Variants in FOXA3 observed in about 807,000 individuals in gnomAD.
The protein encoded by FOXA3 is hepatocyte nuclear factor 3-gamma.
In FOXA3, 11 loss-of-function variants were observed where a neutral mutation model predicts 16.9. That is an observed-to-expected ratio of 0.65 (90% CI 0.41 to 1.08). The LOEUF (loss-of-function observed/expected upper bound fraction) is 1.08, where lower values mean the gene tolerates loss of function less well. Among genes scored for constraint, FOXA3 ranks in the 50% least tolerant of loss-of-function variants. The pLI is 0.00. For missense variants in FOXA3, 423 were observed against 470.1 expected (o/e 0.90, Z 0.93); for synonymous variants, 217 against 203.3 (o/e 1.07, Z -0.57).
chr19:45,872,568 G>T lies in FOXA3; in HGVS notation c.563G>T (p.Gly188Val). 6.2e-7 allele frequency: 1 copy of T among 1,614,152 alleles called. No individual in the cohort carries two copies. Among genetic ancestry groups the T allele is most frequent in the Non-Finnish European group, 8.5e-7 (1 of 1,180,018 alleles). Residue 188 changes from glycine to valine, a missense_variant, in exon 2 of 2, where the codon GGC (glycine) becomes GTC (valine). By Grantham distance (109) the Gly-to-Val change is moderately radical. Around this residue, in one of 3 missense-constraint regions of FOXA3, gnomAD observed 85 missense variants for 136.9 expected, o/e 0.62. Transcript: ENST00000302177. This position sits in a 1 kb window ranked among gnomAD's most constrained non-coding sequence, Gnocchi z 4.5. ...CGTTCCCCAGACAAGCCTGGCAAGG[G>T]CTCCTACTGGGCCCTACACCCCAGC... ...VARSPDKPGK[G>V]SYWALHPSSG...
chr19:45,873,132 TG>T lies in FOXA3; in HGVS notation c.*75del, dbSNP rs1966927517. The T allele has an allele frequency of 1.3e-6, 2 of 1,548,964 alleles. No homozygotes were observed. Among genetic ancestry groups the T allele is most frequent in the Non-Finnish European group, 1.7e-6 (2 of 1,145,930 alleles). On this transcript the variant is annotated 3_prime_UTR_variant, in exon 2 of 2. Transcript: ENST00000302177. ...AGCTCTTGGGGCCTGATCCTTCTGG[TG>T]ACACTTCACTTGTCCCATTGGTTAA...
Position 45,872,727 on chromosome 19 carries a change from C to T in FOXA3, c.722C>T (p.Thr241Ile), listed in dbSNP as rs769846056. 7 of 1,602,078 alleles carry T rather than the reference C, an allele frequency of 4.4e-6. No individual in the cohort carries two copies. Among genetic ancestry groups the T allele is most frequent in the Non-Finnish European group, 5.1e-6 (6 of 1,174,886 alleles). ...RNGTGSAAST[T>I]TPAATVTSPP... is the part of the protein sequence containing the mutation. ...GGGACAGGGTCTGCTGCCTCGACCA[C>T]CACCCCCGCGGCCACAGTCACCTCC... Residue 241 changes from threonine to isoleucine, a missense_variant, in exon 2 of 2, where the codon ACC (threonine) becomes ATC (isoleucine). Coordinates refer to ENST00000302177, the MANE Select transcript of FOXA3 (RefSeq NM_004497.3). This position sits in a 1 kb window ranked among gnomAD's most constrained non-coding sequence, Gnocchi z 4.5.
In FOXA3 at chr19:45,872,575, C is replaced by T. The variant is rs1450610616; in HGVS notation, c.570C>T (p.Tyr190=). 6.2e-7 allele frequency: 1 copy of T among 1,614,236 alleles called. No individual in the cohort carries two copies. Among genetic ancestry groups the T allele is most frequent in the Non-Finnish European group, 8.5e-7 (1 of 1,180,026 alleles). Residue 190 remains tyrosine (Y), a synonymous_variant, in exon 2 of 2, where the codon TAC becomes TAT. Coordinates refer to ENST00000302177, the MANE Select transcript of FOXA3 (RefSeq NM_004497.3). This position sits in a 1 kb window ranked among gnomAD's most constrained non-coding sequence, Gnocchi z 4.5. ...RSPDKPGKGS[Y]WALHPSSGNM... ...CAGACAAGCCTGGCAAGGGCTCCTACTGGGCCCTACACCCCAGCTCAGGGA... is the reference window on the plus strand; with the variant it reads ...CAGACAAGCCTGGCAAGGGCTCCTATTGGGCCCTACACCCCAGCTCAGGGA...
chr19:45,870,028 C>T (rs1272344405), intron 1 of FOXA3, among the ~76,000 whole-genome samples: 3 of 152,076 alleles, frequency 2.0e-5, no homozygotes, highest in Non-Finnish European at 4.4e-5. Flanking sequence ...TCAAGTGATC[C>T]ACCTGCCTCG....
intron 1 of FOXA3, among the ~76,000 whole-genome samples, chr19:45,865,562 C>T (rs1972076997): frequency 6.6e-6 from 1 of 152,054 alleles, no homozygotes; most frequent in African/African-American, 2.4e-5. Context: ...GACTTCTAAC[C>T]TGGAAGGGGA....
chr19:45,871,943 T>G (rs891423347), intron 1 of FOXA3, 132 bp from the exon 2 acceptor site: 12 of 890,628 alleles, frequency 1.3e-5, no homozygotes, highest in African/African-American at 1.7e-5. Context: ...TTTCTACAGA[T>G]AGAGGTAATG....
At chr19:45,867,015 G>A (rs936034924) in intron 1 of FOXA3, among the ~76,000 whole-genome samples, 13 of 152,166 alleles carry the variant, frequency 8.5e-5, no homozygotes, top group East Asian at 3.8e-4. Context: ...GGGGAGATCC[G>A]GCTCAGACCC....
intron 1 of FOXA3, among the ~76,000 whole-genome samples, chr19:45,869,566 T>C (rs906597173): frequency 6.6e-6 from 1 of 152,182 alleles, no homozygotes; most frequent in African/African-American, 2.4e-5. Flanking sequence ...TTCCCCCCAT[T>C]TGAACATTTC....
chr19:45,868,206 G>A (rs919903977), intron 1 of FOXA3, among the ~76,000 whole-genome samples: 1 of 152,110 alleles, frequency 6.6e-6, no homozygotes. Flanking sequence ...ACTTAGGGTT[G>A]AGTTGGTTGC....
chr19:45,871,284 G>A (rs965667934), intron 1 of FOXA3, among the ~76,000 whole-genome samples: 3 of 152,058 alleles, frequency 2.0e-5, no homozygotes, highest in African/African-American at 7.2e-5. Flanking sequence ...GAGCGACACT[G>A]TTTTTTTCCA....
At chr19:45,867,125 G>T (rs1972091561) in intron 1 of FOXA3, among the ~76,000 whole-genome samples, 2 of 152,050 alleles carry the variant, frequency 1.3e-5, no homozygotes, top group African/African-American at 2.4e-5. Context: ...GGACTTCCGG[G>T]TGGGTGGGGA....
intron 1 of FOXA3, among the ~76,000 whole-genome samples, chr19:45,869,886 A>G (rs553929674): frequency 6.7e-6 from 1 of 150,282 alleles, no homozygotes; most frequent in African/African-American, 2.4e-5. Context: ...TCTGGGTGCA[A>G]GCAATTCTCC....
chr19:45,872,032 C>A lies in FOXA3; in HGVS notation c.70-43C>A. 2 of 1,593,408 alleles carry A rather than the reference C, an allele frequency of 1.3e-6. No individual in the cohort carries two copies. The highest frequency in any genetic ancestry group is 1.7e-6 in the Non-Finnish European group (2 of 1,166,764). On this transcript the variant is annotated intron_variant, in intron 1 of 1. Coordinates refer to ENST00000302177, the MANE Select transcript of FOXA3 (RefSeq NM_004497.3). This position sits in a 1 kb window ranked among gnomAD's most constrained non-coding sequence, Gnocchi z 4.5. ...GGTCCTGGGATCCTTTGCTGACCAG[C>A]AGAGTGGAGCCCCACTGACCCCTCC...
At chr19:45,871,806 C>T (rs1391510611) in intron 1 of FOXA3, among the ~76,000 whole-genome samples, 2 of 152,028 alleles carry the variant, frequency 1.3e-5, no homozygotes, top group African/African-American at 4.8e-5. Flanking sequence ...CAGAGACTGC[C>T]CTGGGAGTCC....
In FOXA3 at chr19:45,873,036, G is replaced by A. The variant is rs867043290; in HGVS notation, c.1031G>A (p.Arg344His). The change falls in exon 2 of 2, where the codon CGC (arginine) becomes CAC (histidine). Residue 344 changes from arginine to histidine, a missense_variant. Coordinates refer to ENST00000302177, the MANE Select transcript of FOXA3 (RefSeq NM_004497.3). ...PGVYYQGLYS[R>H]SLLNAS ...GTCTACTACCAGGGCCTCTATTCCC[G>A]CTCTTTGCTTAATGCATCCTAGCAG... 3.1e-6 allele frequency: 5 copies of A among 1,602,316 alleles called. No homozygotes were observed. Among genetic ancestry groups the A allele is most frequent in the Non-Finnish European group, 3.4e-6 (4 of 1,174,148 alleles).
Position 45,869,412 on chromosome 19 carries a change from G to T in FOXA3, c.70-2663G>T, listed in dbSNP as rs545333662. 5.4e-4 allele frequency among the ~76,000 whole-genome samples: 83 copies of T among 152,300 alleles called. 1 individual carries two copies. Among genetic ancestry groups the T allele is most frequent in the Non-Finnish European group, 1.0e-3 (71 of 68,024 alleles). On this transcript the variant is annotated intron_variant, in intron 1 of 1. Transcript: ENST00000302177. Reference sequence around the variant, plus strand: ...TAACACCTCCTCCCATAGTATGGTTGTCAAGATTAAAGGAGACCATTCTTG... The same window carrying T: ...TAACACCTCCTCCCATAGTATGGTTTTCAAGATTAAAGGAGACCATTCTTG...
rs371065526 is a variant in FOXA3, at chr19:45,872,630, C to G, written c.625C>G (p.Arg209Gly). The G allele has an allele frequency of 6.2e-7, 1 of 1,613,814 alleles. No individual in the cohort carries two copies. Among genetic ancestry groups the G allele is most frequent in the African/African-American group, 1.3e-5 (1 of 74,918 alleles). The stretch of plus-strand genomic sequence containing the variant: ...GTTTGAGAATGGCTGCTACCTGCGC[C>G]GCCAGAAACGCTTCAAGCTGGAGGA... ...NMFENGCYLR[R>G]QKRFKLEEKV... The change falls in exon 2 of 2, where the codon CGC (arginine) becomes GGC (glycine). Residue 209 changes from arginine (R) to glycine (G), a missense_variant. Coordinates refer to ENST00000302177, the MANE Select transcript of FOXA3 (RefSeq NM_004497.3). The surrounding 1 kb of genome is among the most constrained non-coding windows in gnomAD (Gnocchi z 4.5).
At chr19:45,865,014 CG>C (rs1314684949) in intron 1 of FOXA3, among the ~76,000 whole-genome samples, 2 of 151,832 alleles carry the variant, frequency 1.3e-5, no homozygotes, top group Non-Finnish European at 2.9e-5. Flanking sequence ...AACCGGGGTT[CG>C]GGGCTAAGGA....
rs377068089 is a variant in FOXA3 at position 45,872,255 on chromosome 19, A to C, written c.250A>C (p.Ser84Arg). 90 of 1,609,954 alleles carry C rather than the reference A, an allele frequency of 5.6e-5. No homozygotes were observed. The highest frequency in any genetic ancestry group is 9.4e-5 in the African/African-American group (7 of 74,842). ...GCCCACTTTCCCAGGCCTGGGTGTC[A>C]GCGGTGGCAGCAGCAGCTCCGGGTA... ...LGPTFPGLGV[S>R]GGSSSSGYGA... The change falls in exon 2 of 2, where the codon AGC (serine) becomes CGC (arginine). Residue 84 changes from serine (S) to arginine (R), a missense_variant. Around this residue, in one of 3 missense-constraint regions of FOXA3, gnomAD observed 170 missense variants for 153.9 expected, o/e 1.10. Transcript: ENST00000302177. The surrounding 1 kb of genome is among the most constrained non-coding windows in gnomAD (Gnocchi z 4.5).
Sources: gnomAD v4.1 joint callset for allele counts (sites outside exome capture counted in the v4.1 genomes callset) on GRCh38, gnomAD v4.1.1 for gene constraint, gnomAD v4.1.1 regional missense constraint, Gnocchi (gnomAD v3.1) non-coding constraint, MANE v1.5 for transcripts, NCBI Gene and HGNC (gene_info 2026-07-23, HGNC 2026-07-21) for gene names.